The following HIVEP3 variants were observed in gnomAD, a reference collection of about 807,000 sequenced individuals.
The protein encoded by HIVEP3 is HIVEP zinc finger 3.
In HIVEP3, 49 loss-of-function variants were observed where a neutral mutation model predicts 152.8. That is an observed-to-expected ratio of 0.32 (90% CI 0.26 to 0.41). The LOEUF (loss-of-function observed/expected upper bound fraction) is 0.41. Ranked by LOEUF, HIVEP3 falls within the 10% of genes least tolerant of loss-of-function variation. HIVEP3 has a pLI of 1.00. For synonymous variants in HIVEP3, 1,269 were observed against 1,289.0 expected, an observed-to-expected ratio of 0.98 and a Z score of 0.33; for missense variants, 2,790 against 3,103.3, an observed-to-expected ratio of 0.90 and a Z score of 2.40.
rs1241951297 is a variant in HIVEP3, at chr1:41,509,497, C to T, written c.*954G>A. On this transcript the variant is annotated 3_prime_UTR_variant, in exon 9 of 9. Coordinates refer to ENST00000372583, the MANE Select transcript of HIVEP3 (RefSeq NM_024503.5). The stretch of plus-strand genomic sequence containing the variant: ...ACGGCCGCTAGGGCTCGGGCCCTGC[C>T]ACTTCTGCCTTTGTGGGTGGTTTGG... 6.6e-6 allele frequency: 1 copy of T among 152,264 alleles called. No homozygotes were observed. The highest frequency in any genetic ancestry group is 1.5e-5 in the Non-Finnish European group (1 of 68,070). 9.4% of individuals were successfully genotyped at this position (152,264 alleles called of 1,614,324 possible).
chr1:41,881,072 A>C (rs1450481116), intron 1 of HIVEP3, among the ~76,000 whole-genome samples: 7 of 152,188 alleles, frequency 4.6e-5, no homozygotes, highest in Non-Finnish European at 1.0e-4. Flanking sequence ...CTCTTTGGAG[A>C]AAGGAGTTGG....
intron 1 of HIVEP3, among the ~76,000 whole-genome samples, chr1:41,903,476 G>T (rs1644658712): frequency 6.6e-6 from 1 of 152,240 alleles, no homozygotes; most frequent in Non-Finnish European, 1.5e-5. Flanking sequence ...AGTGAGCACT[G>T]AGGCCTTGTT....
At chr1:41,962,242 A>G (rs1377680398) in intron 1 of HIVEP3, among the ~76,000 whole-genome samples, 4 of 152,384 alleles carry the variant, frequency 2.6e-5, no homozygotes, top group African/African-American at 7.2e-5. Context: ...CCAAGAAAAC[A>G]GAAGAGAGGC....
In HIVEP3 at chr1:41,753,706, T is replaced by TAAAA. The variant is rs1553256429; in HGVS notation, c.-800-52715_-800-52712dup. Among the ~76,000 whole-genome samples the TAAAA allele has an allele frequency of 2.4e-3, 353 of 149,584 alleles. 15 individuals are homozygous for TAAAA. Among genetic ancestry groups the TAAAA allele is most frequent in the Admixed American group, 0.021 (323 of 15,088 alleles). On this transcript the variant is annotated intron_variant, in intron 1 of 8. Coordinates refer to ENST00000372583, the MANE Select transcript of HIVEP3 (RefSeq NM_024503.5). ...ATAAATAAATAAATAAATAAATAAA[T>TAAAA]AAAAATAGAAAACAATGGAAGCGTT...
At position 41,508,993 on chromosome 1, in the gene HIVEP3, A is replaced by G. The variant is rs533461842; in HGVS notation, c.*1458T>C. The G allele has an allele frequency of 1.3e-5, 2 of 152,388 alleles. No homozygotes were observed. Among genetic ancestry groups the G allele is most frequent in the South Asian group, 2.1e-4 (1 of 4,834 alleles). 9.4% of individuals were successfully genotyped at this position (152,388 alleles called of 1,614,324 possible). On this transcript the variant is annotated 3_prime_UTR_variant, in exon 9 of 9. Transcript: ENST00000372583. ...GAACACGCTAGAGTTCAAGTTCCAT[A>G]GTTCAATTTGGGATTTAAATTTCTG...
chr1:41,942,693 C>A (rs1197965630), intron 1 of HIVEP3, among the ~76,000 whole-genome samples: 1 of 152,002 alleles, frequency 6.6e-6, no homozygotes, highest in Admixed American at 6.6e-5. Context: ...ATGAAAACAA[C>A]CCCCAAATGT....
rs181929164 is a variant in HIVEP3, at chr1:42,001,643, A to G, written n.119+34164T>C. Among the ~76,000 whole-genome samples, 8 of 152,318 alleles carry G rather than the reference A, an allele frequency of 5.3e-5. No homozygotes were observed. In the East Asian group the frequency reaches 1.3e-3, roughly 26 times the overall value. ...GAGACAGGCACAGCTATGCACCCAC[A>G]GTATCTTCCACCAAGCCTGGCTCAT... On this transcript the variant is annotated intron_variant and non_coding_transcript_variant, in intron 1 of 3. Transcript: ENST00000489103.
chr1:41,849,998 A>T (rs1206560203), intron 1 of HIVEP3, among the ~76,000 whole-genome samples: 2 of 152,216 alleles, frequency 1.3e-5, no homozygotes, highest in Admixed American at 1.3e-4. Context: ...CGGTAGACCC[A>T]AATCTTAAAG....
intron 5 of HIVEP3, among the ~76,000 whole-genome samples, chr1:41,571,647 C>T (rs1015242126): frequency 6.6e-6 from 1 of 152,158 alleles, no homozygotes; most frequent in Non-Finnish European, 1.5e-5. Flanking sequence ...AGAAGTAACA[C>T]AAAGAACTAC....
intron 1 of HIVEP3, among the ~76,000 whole-genome samples, chr1:42,024,146 T>A (rs987206060): frequency 6.6e-6 from 1 of 152,234 alleles, no homozygotes; most frequent in Non-Finnish European, 1.5e-5. Flanking sequence ...TATTCTAATT[T>A]GAAATAACTA....
intron 5 of HIVEP3, among the ~76,000 whole-genome samples, chr1:41,541,157 A>G (rs1268127101): frequency 1.3e-5 from 2 of 152,112 alleles, no homozygotes; most frequent in Non-Finnish European, 2.9e-5. Flanking sequence ...CTGAGCAAGC[A>G]CCCGCCCATG....
intron 1 of HIVEP3, among the ~76,000 whole-genome samples, chr1:41,898,122 C>T (rs1644563767): frequency 6.6e-6 from 1 of 152,196 alleles, no homozygotes; most frequent in African/African-American, 2.4e-5. Context: ...TCCCAGCATC[C>T]TGGGGGCAGG....
intron 5 of HIVEP3, among the ~76,000 whole-genome samples, chr1:41,532,981 C>T (rs1166748108): frequency 6.6e-6 from 1 of 152,120 alleles, no homozygotes; most frequent in Non-Finnish European, 1.5e-5. Context: ...GTCAGAGAAG[C>T]AGGAAACTGG....
chr1:41,779,208 C>T (rs1648892985), intron 1 of HIVEP3, among the ~76,000 whole-genome samples: 1 of 152,178 alleles, frequency 6.6e-6, no homozygotes, highest in Admixed American at 6.5e-5. Flanking sequence ...TCCACCTCTG[C>T]ACGCTCTCCT....
At chr1:42,015,600 C>T (rs1275993935) in intron 1 of HIVEP3, among the ~76,000 whole-genome samples, 2 of 152,258 alleles carry the variant, frequency 1.3e-5, no homozygotes, top group East Asian at 1.9e-4. Flanking sequence ...TTTAAAGGTA[C>T]TAAAGAAGCC....
At chr1:41,899,010 C>T (rs1644577667) in intron 1 of HIVEP3, among the ~76,000 whole-genome samples, 1 of 152,186 alleles carries the variant, frequency 6.6e-6, no homozygotes, top group Non-Finnish European at 1.5e-5. Flanking sequence ...GCACAAGATG[C>T]GGATGGTGAA....
chr1:41,691,841 A>G (rs1011878200), intron 2 of HIVEP3, among the ~76,000 whole-genome samples: 1 of 151,996 alleles, frequency 6.6e-6, no homozygotes, highest in Non-Finnish European at 1.5e-5. Context: ...CTCCAAATCA[A>G]TACTTACATT....
chr1:41,690,775 A>G (rs572899136), intron 2 of HIVEP3, among the ~76,000 whole-genome samples: 2 of 152,196 alleles, frequency 1.3e-5, no homozygotes, highest in South Asian at 4.2e-4. Context: ...AAAATTAGCC[A>G]GGCATGGTGG....
At chr1:41,528,197 A>C (rs1264316222) in intron 5 of HIVEP3, among the ~76,000 whole-genome samples, 5 of 87,704 alleles carry the variant, frequency 5.7e-5, no homozygotes, top group Non-Finnish European at 9.1e-5. Flanking sequence ...ACCTTCACAC[A>C]CCCCTGCCCT....
Sources: allele counts gnomAD v4.1 joint callset (sites outside exome capture counted in the v4.1 genomes callset), GRCh38; gene constraint gnomAD v4.1.1; transcripts MANE v1.5; gene names NCBI Gene and HGNC (gene_info 2026-07-23, HGNC 2026-07-21).